ADGRB3: variants seen among roughly 807,000 people sequenced by gnomAD.
ADGRB3 encodes brain-specific angiogenesis inhibitor 3.
Under a neutral mutation model 193.4 loss-of-function variants are expected in ADGRB3, and 37 were observed. That is an observed-to-expected ratio of 0.19 (90% CI 0.15 to 0.25). The LOEUF is 0.25. Ranked by LOEUF, ADGRB3 falls within the 10% of genes least tolerant of loss-of-function variation. The probability of loss-of-function intolerance (pLI) is 1.00; values close to 1 mark genes in which losing one functional copy is unlikely to be tolerated. For synonymous variants in ADGRB3, 690 were observed against 644.2 expected, an observed-to-expected ratio of 1.07 and a Z score of -1.08; for missense variants, 1,637 against 1,852.9, an observed-to-expected ratio of 0.88 and a Z score of 2.14.
At chr6:69,121,917 C>G (rs1773707062) in intron 17 of ADGRB3, among the ~76,000 whole-genome samples, 1 of 150,734 alleles carries the variant, frequency 6.6e-6, no homozygotes, top group Non-Finnish European at 1.5e-5. Context: ...GGTGGAAGCG[C>G]TCCTCTCATC....
chr6:68,887,974 A>G (rs2150227777), intron 3 of ADGRB3, among the ~76,000 whole-genome samples: 1 of 152,260 alleles, frequency 6.6e-6, no homozygotes, highest in Admixed American at 6.5e-5. Flanking sequence ...CACCCTTCTC[A>G]TATTGGTGCT....
At chr6:69,159,616 G>A (rs1367276884) in intron 17 of ADGRB3, among the ~76,000 whole-genome samples, 2 of 152,034 alleles carry the variant, frequency 1.3e-5, no homozygotes, top group Non-Finnish European at 2.9e-5. Context: ...GGAAGTGAAG[G>A]AGTGAGAAAG....
At chr6:69,199,844 A>G (rs1582539223) in intron 17 of ADGRB3, among the ~76,000 whole-genome samples, 1 of 152,116 alleles carries the variant, frequency 6.6e-6, no homozygotes, top group South Asian at 2.1e-4. Context: ...AATAATAGTG[A>G]CCCTCTTGCA....
intron 3 of ADGRB3, among the ~76,000 whole-genome samples, chr6:68,794,101 A>C (rs1767162308): frequency 6.6e-6 from 1 of 152,118 alleles, no homozygotes; most frequent in South Asian, 2.1e-4. Context: ...TTCAGCTCAA[A>C]TATGTGCTTT....
At chr6:68,862,893 C>G (rs949311346) in intron 3 of ADGRB3, among the ~76,000 whole-genome samples, 34 of 152,222 alleles carry the variant, frequency 2.2e-4, no homozygotes, top group African/African-American at 7.7e-4. Flanking sequence ...ATTTTTGTCT[C>G]TTTTCTTTCC....
chr6:68,834,518 C>T (rs1008264131), intron 3 of ADGRB3, among the ~76,000 whole-genome samples: 4 of 151,930 alleles, frequency 2.6e-5, no homozygotes, highest in Non-Finnish European at 4.4e-5. Flanking sequence ...CCCTCTGTGA[C>T]GAGTTGAGCT....
intron 11 of ADGRB3, among the ~76,000 whole-genome samples, chr6:69,005,101 G>A (rs1035870455): frequency 2.0e-5 from 3 of 152,042 alleles, no homozygotes; most frequent in Non-Finnish European, 4.4e-5. Context: ...ACTGAGTTAT[G>A]ATATTTTTAT....
At chr6:68,814,543 T>G (rs1345687469) in intron 3 of ADGRB3, among the ~76,000 whole-genome samples, 1 of 152,192 alleles carries the variant, frequency 6.6e-6, no homozygotes, top group Admixed American at 6.5e-5. Flanking sequence ...GCAGAAGCTC[T>G]TCAGTTTAAT....
chr6:69,184,317 G>A (rs182929693), intron 17 of ADGRB3, among the ~76,000 whole-genome samples: 7 of 152,168 alleles, frequency 4.6e-5, no homozygotes, highest in East Asian at 3.9e-4. Context: ...GTGATAGTTA[G>A]CCTTTTCTCA....
intron 8 of ADGRB3, among the ~76,000 whole-genome samples, chr6:68,968,124 T>TA (rs3839457): frequency 0.1 from 15,781 of 150,448 alleles, 848 homozygotes; most frequent in Non-Finnish European, 0.13. Context: ...CTATTTGCCT[T>TA]AAAAAAAAAA....
intron 26 of ADGRB3, among the ~76,000 whole-genome samples, chr6:69,347,181 G>C (rs1374858550): frequency 2.6e-5 from 4 of 152,076 alleles, no homozygotes; most frequent in Non-Finnish European, 5.9e-5. Flanking sequence ...CACAGGGAGG[G>C]GAGCATCACA....
intron 17 of ADGRB3, among the ~76,000 whole-genome samples, chr6:69,095,189 A>G (rs1180874750): frequency 6.6e-6 from 1 of 152,218 alleles, no homozygotes; most frequent in Non-Finnish European, 1.5e-5. Context: ...TTATTCTAAC[A>G]TTTAAAAAGC....
At chr6:68,887,064 T>G (rs1430225189) in intron 3 of ADGRB3, among the ~76,000 whole-genome samples, 2 of 140,078 alleles carry the variant, frequency 1.4e-5, no homozygotes, top group Non-Finnish European at 1.6e-5. Context: ...TGTAAATATA[T>G]ATATATACAC....
intron 17 of ADGRB3, among the ~76,000 whole-genome samples, chr6:69,100,928 G>GA (rs1773031131): frequency 1.2e-4 from 1 of 8,230 alleles, no homozygotes; most frequent in Non-Finnish European, 2.8e-4. Context: ...GAAGGAAGGA[G>GA]GGAGGGAGGG....
intron 17 of ADGRB3, among the ~76,000 whole-genome samples, chr6:69,108,197 G>A (rs1442182321): frequency 8.6e-6 from 1 of 116,194 alleles, no homozygotes; most frequent in Non-Finnish European, 1.8e-5. Context: ...TTGGCCACGA[G>A]ACTTCTTCAG....
At chr6:69,378,903 A>G (rs760577474) in intron 30 of ADGRB3, among the ~76,000 whole-genome samples, 2 of 152,040 alleles carry the variant, frequency 1.3e-5, no homozygotes, top group Non-Finnish European at 2.9e-5. Context: ...ATTTTATAGA[A>G]TCACTTTTTC....
intron 17 of ADGRB3, among the ~76,000 whole-genome samples, chr6:69,094,116 G>A (rs182271761): frequency 6.6e-6 from 1 of 152,278 alleles, no homozygotes; most frequent in African/African-American, 2.4e-5. Context: ...ACAGGTTAGA[G>A]AGGTGTCTAC....
At chr6:69,019,336 C>T (rs1770191763) in intron 13 of ADGRB3, among the ~76,000 whole-genome samples, 1 of 151,916 alleles carries the variant, frequency 6.6e-6, no homozygotes, top group African/African-American at 2.4e-5. Context: ...AGATATTTTG[C>T]CCTATATTCG....
At chr6:69,343,730 A>G (rs1028796472) in intron 26 of ADGRB3, among the ~76,000 whole-genome samples, 1 of 152,174 alleles carries the variant, frequency 6.6e-6, no homozygotes, top group Non-Finnish European at 1.5e-5. Flanking sequence ...AGACAAAAAG[A>G]GGAAATAAGA....
Sources: allele counts gnomAD v4.1 joint callset (sites outside exome capture counted in the v4.1 genomes callset), GRCh38; gene constraint gnomAD v4.1.1; transcripts MANE v1.5; gene names NCBI Gene and HGNC (gene_info 2026-07-23, HGNC 2026-07-21).